The following DPH6 variants were observed in gnomAD, a reference collection of about 807,000 sequenced individuals.
The protein encoded by DPH6 is diphthine--ammonia ligase.
A neutral mutation model predicts 38.2 loss-of-function variants in DPH6; 33 were observed. The ratio of observed to expected loss-of-function variants is 0.86; its 90% CI spans 0.65 to 1.15. DPH6 has a LOEUF of 1.15. Ranked by LOEUF, DPH6 falls within the 50% of genes most tolerant of loss-of-function variation. The probability of loss-of-function intolerance (pLI) is 0.00; values close to 1 mark genes in which losing one functional copy is unlikely to be tolerated. For synonymous variants in DPH6, 108 were observed against 103.0 expected, an observed-to-expected ratio of 1.05 and a Z score of -0.30; for missense variants, 325 against 320.0, an observed-to-expected ratio of 1.02 and a Z score of -0.12.
At chr15:35,410,354 T>C (rs1298964315) in intron 6 of DPH6, among the ~76,000 whole-genome samples, 1 of 151,794 alleles carries the variant, frequency 6.6e-6, no homozygotes, top group African/African-American at 2.4e-5. Context: ...GTTTAGAACA[T>C]GTTTAGGGTT....
At chr15:35,499,396 GGTATTT>G (rs2054597415) in intron 3 of DPH6, among the ~76,000 whole-genome samples, 1 of 152,084 alleles carries the variant, frequency 6.6e-6, no homozygotes, top group Non-Finnish European at 1.5e-5. Flanking sequence ...TTATTGGGCT[GGTATTT>G]GTATCTCCTC....
intron 3 of DPH6, among the ~76,000 whole-genome samples, chr15:35,464,378 G>A (rs1243131589): frequency 2.0e-5 from 3 of 151,640 alleles, no homozygotes; most frequent in Non-Finnish European, 4.4e-5. Context: ...TCACCTATAG[G>A]ATAACATTAG....
At position 35,374,228 on chromosome 15, in the gene DPH6, T is replaced by C. The variant is rs535225449; in HGVS notation, c.663-620A>G. On this transcript the variant is annotated intron_variant, in intron 7 of 8. Coordinates refer to ENST00000256538, the MANE Select transcript of DPH6 (RefSeq NM_080650.4). ...AGATACCCTGTAAAGCACATTTGAA[T>C]AACTAAGATTATGTGTAAAGTTCTA... Among the ~76,000 whole-genome samples, 3 of 152,234 alleles carry C rather than the reference T, an allele frequency of 2.0e-5. No homozygotes were observed. The South Asian group carries it at 6.2e-4, about 31-fold the overall frequency.
intron 5 of DPH6, among the ~76,000 whole-genome samples, chr15:35,428,352 A>G (rs915834568): frequency 6.6e-6 from 1 of 152,058 alleles, no homozygotes; most frequent in Non-Finnish European, 1.5e-5. Flanking sequence ...TTTTGAAATT[A>G]TCTAATGGAG....
intron 3 of DPH6, among the ~76,000 whole-genome samples, chr15:35,227,253 G>A (rs1179389067): frequency 7.5e-6 from 1 of 134,220 alleles, no homozygotes; most frequent in Admixed American, 8.8e-5. Context: ...GCGCGATCTC[G>A]GCTCACTGCA....
chr15:35,543,258 T>C (rs1407060905), intron 1 of DPH6, among the ~76,000 whole-genome samples: 1 of 92,604 alleles, frequency 1.1e-5, no homozygotes, highest in Non-Finnish European at 2.1e-5. Flanking sequence ...CACATACACA[T>C]AATATATATA....
At chr15:35,530,350 G>A (rs1357251991) in intron 3 of DPH6, among the ~76,000 whole-genome samples, 3 of 151,900 alleles carry the variant, frequency 2.0e-5, no homozygotes, top group African/African-American at 4.8e-5. Flanking sequence ...CCAGTCAACA[G>A]GATACAGACA....
At chr15:35,485,896 T>C (rs1464615099) in intron 3 of DPH6, among the ~76,000 whole-genome samples, 2 of 152,218 alleles carry the variant, frequency 1.3e-5, no homozygotes, top group African/African-American at 4.8e-5. Flanking sequence ...GTACCCACTA[T>C]CTTCCTCCAA....
Position 35,365,796 on chromosome 15 carries a change from C to T in DPH6, n.207+7725G>A, listed in dbSNP as rs187331211. Reference sequence around the variant, plus strand: ...AGTAGTCCTTTAAATGTGGGTGAAACTGATCCTTGATTTATTAATCTGCTC... The same window carrying T: ...AGTAGTCCTTTAAATGTGGGTGAAATTGATCCTTGATTTATTAATCTGCTC... On this transcript the variant is annotated intron_variant and non_coding_transcript_variant, in intron 3 of 3. Transcript: ENST00000558973. 14 of 985,202 alleles carry T rather than the reference C, an allele frequency of 1.4e-5. No individual in the cohort carries two copies. The East Asian group carries it at 1.3e-3, about 88-fold the overall frequency. 61.0% of individuals were successfully genotyped at this position (985,202 alleles called of 1,614,324 possible). A position where few individuals can be genotyped will look rare whatever the true frequency, so the allele number is the denominator to read the frequency against.
At chr15:35,245,140 C>G (rs1211256532) in intron 3 of DPH6, among the ~76,000 whole-genome samples, 2 of 151,212 alleles carry the variant, frequency 1.3e-5, no homozygotes, top group African/African-American at 4.9e-5. Context: ...ATCTATCAAT[C>G]ATTCATGATT....
chr15:35,279,068 A>AATAT (rs1555390827), intron 3 of DPH6, among the ~76,000 whole-genome samples: 1,208 of 102,632 alleles, frequency 0.012, 51 homozygotes, highest in East Asian at 0.08. Flanking sequence ...AAAAAAAAAA[A>AATAT]ATATATATAT....
intron 3 of DPH6, among the ~76,000 whole-genome samples, chr15:35,463,928 A>G (rs774835312): frequency 2.1e-4 from 32 of 152,314 alleles, no homozygotes; most frequent in Non-Finnish European, 2.9e-4. Context: ...AACACATTAG[A>G]AAACAGCACA....
chr15:35,386,453 C>G (rs1263161705), intron 6 of DPH6, among the ~76,000 whole-genome samples: 4 of 151,196 alleles, frequency 2.6e-5, no homozygotes, highest in Non-Finnish European at 5.9e-5. Context: ...AACTAGTTTA[C>G]AGTCCCAACA....
chr15:35,167,297 T>C, the DPH6 span, among the ~76,000 whole-genome samples: 1 of 152,004 alleles, frequency 6.6e-6, no homozygotes, highest in East Asian at 1.9e-4. Flanking sequence ...CACTTTCACA[T>C]AGATTATCTC....
chr15:35,184,790 T>C, the DPH6 span, among the ~76,000 whole-genome samples: 3 of 152,200 alleles, frequency 2.0e-5, no homozygotes, highest in African/African-American at 7.2e-5. Context: ...ATGGTAATAA[T>C]CACCTAGGAC....
At chr15:35,237,366 G>A in intron 3 of DPH6, 2 of 1,599,718 alleles carry the variant, frequency 1.3e-6, no homozygotes, top group Non-Finnish European at 1.7e-6. Flanking sequence ...CTGCGGAACA[G>A]GACGCCCTCT....
chr15:35,492,132 G>T (rs2054491361), intron 3 of DPH6, among the ~76,000 whole-genome samples: 1 of 152,076 alleles, frequency 6.6e-6, no homozygotes, highest in Admixed American at 6.6e-5. Context: ...GGAGTGCTGA[G>T]GGCAGGAGAA....
At chr15:35,236,007 G>A (rs1566846055) in intron 3 of DPH6, among the ~76,000 whole-genome samples, 1 of 152,160 alleles carries the variant, frequency 6.6e-6, no homozygotes, top group Non-Finnish European at 1.5e-5. Flanking sequence ...TGTGTGATAA[G>A]ATGGAATTGA....
chr15:35,486,796 A>C (rs1049032957), intron 3 of DPH6, among the ~76,000 whole-genome samples: 1 of 152,178 alleles, frequency 6.6e-6, no homozygotes, highest in Non-Finnish European at 1.5e-5. Context: ...GAATTAACCC[A>C]AAAGTCCAAG....
Sources: gnomAD v4.1 joint callset for allele counts (sites outside exome capture counted in the v4.1 genomes callset) on GRCh38, gnomAD v4.1.1 for gene constraint, MANE v1.5 for transcripts, NCBI Gene and HGNC (gene_info 2026-07-23, HGNC 2026-07-21) for gene names.